The following MRE11 variants were observed in gnomAD, a reference collection of about 807,000 sequenced individuals.
MRE11 encodes the protein double-strand break repair protein MRE11.
Under a neutral mutation model 91.7 loss-of-function variants are expected in MRE11, and 62 were observed. The ratio of observed to expected loss-of-function variants is 0.68; its 90% CI spans 0.55 to 0.84. The LOEUF (loss-of-function observed/expected upper bound fraction) is 0.84, where lower values mean the gene tolerates loss of function less well. MRE11 is among the 40% of genes least tolerant of loss of function. The probability of loss-of-function intolerance (pLI) is 0.00; values close to 1 mark genes in which losing one functional copy is unlikely to be tolerated. For missense variants in MRE11, 796 were observed against 852.9 expected (o/e 0.93, Z 0.83); for synonymous variants, 273 against 271.4 (o/e 1.01, Z -0.06).
At chr11:94,456,243 T>A in intron 14 of MRE11, 33 bp downstream of exon 14, 2 of 1,593,970 alleles carry the variant, frequency 1.3e-6, no homozygotes, top group Non-Finnish European at 1.7e-6. Context: ...GAAAGTGATA[T>A]ATAAACACAA....
chr11:94,429,666 G>C (rs1945410423), intron 19 of MRE11, among the ~76,000 whole-genome samples: 1 of 152,150 alleles, frequency 6.6e-6, no homozygotes, highest in Admixed American at 6.5e-5. Context: ...GACTACTAGA[G>C]AGTGGAGGCT....
At chr11:94,453,455 T>C (rs1239281639) in intron 14 of MRE11, among the ~76,000 whole-genome samples, 1 of 152,226 alleles carries the variant, frequency 6.6e-6, no homozygotes, top group Non-Finnish European at 1.5e-5. Flanking sequence ...ATGGTTCTAA[T>C]TTCTCCACAT....
chr11:94,486,186 T>C, intron 3 of MRE11, 102 bp from the exon 4 acceptor site: 1 of 1,090,576 alleles, frequency 9.2e-7, no homozygotes, highest in Non-Finnish European at 1.3e-6. Context: ...AAGACACTAT[T>C]ATATATGGCA....
intron 9 of MRE11, among the ~76,000 whole-genome samples, chr11:94,468,812 T>C (rs1946635380): frequency 1.0e-5 from 1 of 98,924 alleles, no homozygotes; most frequent in Admixed American, 1.2e-4. Flanking sequence ...AATTTTAAAT[T>C]TAAATGTAAA....
intron 6 of MRE11, among the ~76,000 whole-genome samples, chr11:94,477,504 T>C (rs1276948344): frequency 2.0e-5 from 3 of 152,156 alleles, no homozygotes; most frequent in Admixed American, 2.0e-4. Flanking sequence ...CTACTTTATA[T>C]ACGGATTAGA....
At position 94,437,196 on chromosome 11, in the gene MRE11, G is replaced by A. The variant is rs1555002403; in HGVS notation, c.1907C>T (p.Thr636Ile). Residue 636 changes from threonine to isoleucine, a missense_variant, in exon 17 of 20, where the codon ACT (threonine) becomes ATT (isoleucine). Transcript: ENST00000323929. ...TCTTACCTCTGAATAATTCTTAGTA[G>A]TGACATTTCGGGAAGGCTGCTGTCT... ...STRQQPSRNVTTKNYSEVIEV... is the reference protein window; with the variant it reads ...STRQQPSRNVITKNYSEVIEV... 2 of 1,612,788 alleles carry A rather than the reference G, an allele frequency of 1.2e-6. No homozygotes were observed. The highest frequency in any genetic ancestry group is 1.7e-6 in the Non-Finnish European group (2 of 1,179,324).
Position 94,478,786 on chromosome 11 carries a change from T to G in MRE11, c.493A>C (p.Ser165Arg), listed in dbSNP as rs763298588. ...CTTCCTTTTTGAAGCAAAACCGGAC[T>G]AATGTCTATCTTCTCCACAGACATT... ...RSMSVEKIDI[S>R]PVLLQKGSTK... Residue 165 changes from serine (S) to arginine (R), a missense_variant, in exon 6 of 20, where the codon AGT becomes CGT. Ser to Arg is a moderately radical substitution (Grantham distance 110). Coordinates refer to ENST00000323929, the MANE Select transcript of MRE11 (RefSeq NM_005591.4). The G allele has an allele frequency of 6.2e-7, 1 of 1,613,700 alleles. No individual in the cohort carries two copies. Among genetic ancestry groups the G allele is most frequent in the South Asian group, 1.1e-5 (1 of 91,076 alleles).
chr11:94,466,714 T>C (rs912433523), intron 10 of MRE11: 1 of 195,766 alleles, frequency 5.1e-6, no homozygotes, highest in Non-Finnish European at 1.1e-5. Flanking sequence ...TCTCAAATTT[T>C]CATGAACATA....
the MRE11 span, among the ~76,000 whole-genome samples, chr11:94,501,134 G>T: frequency 6.6e-6 from 1 of 152,118 alleles, no homozygotes; most frequent in Non-Finnish European, 1.5e-5. Flanking sequence ...GATATTTAAG[G>T]TCTATCTTTA....
chr11:94,466,544 C>A (rs11020790), intron 10 of MRE11: 2 of 523,640 alleles, frequency 3.8e-6, no homozygotes, highest in South Asian at 2.8e-5. Flanking sequence ...TTACTTTCTA[C>A]GACAAAACCC....
At chr11:94,494,272 A>T (rs971900569), upstream of MRE11, 3 of 152,188 alleles carry the variant, frequency 2.0e-5, no homozygotes, top group Non-Finnish European at 4.4e-5. Flanking sequence ...CCGGAGCTGG[A>T]TCCCCTCTCC....
intron 4 of MRE11, among the ~76,000 whole-genome samples, chr11:94,480,555 G>A (rs940451731): frequency 3.9e-5 from 6 of 152,302 alleles, no homozygotes; most frequent in Admixed American, 1.3e-4. Context: ...CTTCTACAGC[G>A]AGTAATCTTG....
intron 13 of MRE11, among the ~76,000 whole-genome samples, chr11:94,456,874 G>T (rs749199251): frequency 6.6e-6 from 1 of 152,156 alleles, no homozygotes; most frequent in Non-Finnish European, 1.5e-5. Context: ...AATGGTTCCT[G>T]CTCACAAGGC....
intron 19 of MRE11, among the ~76,000 whole-genome samples, chr11:94,426,430 TTGTTAATTTAAA>T (rs1945317314): frequency 9.6e-5 from 2 of 20,870 alleles, no homozygotes; most frequent in Admixed American, 5.8e-4. Flanking sequence ...AATTAACAAT[TTGTTAATTTAAA>T]TCAAATTAAC....
chr11:94,432,750 G>A (rs1591637340), intron 18 of MRE11, among the ~76,000 whole-genome samples: 2 of 152,336 alleles, frequency 1.3e-5, no homozygotes, highest in Middle Eastern at 3.4e-3. Context: ...AGCTTGCAGT[G>A]AGCCGAGATC....
intron 16 of MRE11, among the ~76,000 whole-genome samples, chr11:94,443,921 T>A (rs10765681): frequency 1.0e-4 from 10 of 100,478 alleles, no homozygotes; most frequent in African/African-American, 4.5e-4. Context: ...TCAACCAATT[T>A]TTTTTTTTTT....
At chr11:94,437,835 T>G (rs899778496) in intron 16 of MRE11, among the ~76,000 whole-genome samples, 6 of 152,120 alleles carry the variant, frequency 3.9e-5, no homozygotes, top group Admixed American at 1.3e-4. Context: ...CATCGAAACC[T>G]ACAATAAGGC....
intron 14 of MRE11, among the ~76,000 whole-genome samples, chr11:94,453,020 A>G (rs1215454362): frequency 1.3e-5 from 2 of 152,048 alleles, no homozygotes; most frequent in Non-Finnish European, 2.9e-5. Context: ...CCACTATTCT[A>G]CCTTCTGTTT....
At position 94,471,629 on chromosome 11, in the gene MRE11, A is replaced by C; in HGVS notation, c.790T>G (p.Ser264Ala). 1 of 1,612,858 alleles carries C rather than the reference A, an allele frequency of 6.2e-7. No individual in the cohort carries two copies. The highest frequency in any genetic ancestry group is 1.1e-5 in the South Asian group (1 of 91,046). Residue 264 changes from serine (S) to alanine (A), a missense_variant, in exon 8 of 20, where the codon TCA becomes GCA. Physicochemically the swap from Ser to Ala is moderately conservative, Grantham distance 99. Transcript: ENST00000323929. Reference protein sequence around the residue: ...TKNEQQLFYISQPGSSVVTSL... With the variant: ...TKNEQQLFYIAQPGSSVVTSL... ...GTAACCACTGAGCTTCCAGGTTGTG[A>C]GATATAAAACAGCTGTTGTTCATTT...
Sources: gnomAD v4.1 joint callset for allele counts (sites outside exome capture counted in the v4.1 genomes callset) on GRCh38, gnomAD v4.1.1 for gene constraint, MANE v1.5 for transcripts, NCBI Gene and HGNC (gene_info 2026-07-23, HGNC 2026-07-21) for gene names.